KIF2C: variants seen among roughly 807,000 people sequenced by gnomAD.
The protein encoded by KIF2C is kinesin family member 2C.
A neutral mutation model predicts 97.4 loss-of-function variants in KIF2C; 34 were observed. The ratio of observed to expected loss-of-function variants is 0.35; its 90% CI spans 0.27 to 0.46. The LOEUF (loss-of-function observed/expected upper bound fraction) is 0.46, where lower values mean the gene tolerates loss of function less well. Among genes scored for constraint, KIF2C ranks in the 20% least tolerant of loss-of-function variants. KIF2C has a pLI of 1.00. For synonymous variants in KIF2C, 313 were observed against 318.2 expected (o/e 0.98, Z 0.17); for missense variants, 750 against 907.6 (o/e 0.83, Z 2.23).
chr1:44,767,173 C>T lies in KIF2C; in HGVS notation c.2172C>T (p.Pro724=). 6.2e-7 allele frequency: 1 copy of T among 1,613,990 alleles called. No homozygotes were observed. The highest frequency in any genetic ancestry group is 1.1e-5 in the South Asian group (1 of 91,056). Reference sequence around the variant, plus strand: ...GACAAATAAGCAGCAAGAAACGGCCCCAGTGACGACTGCAAATAAAAATCT... The same window carrying T: ...GACAAATAAGCAGCAAGAAACGGCCTCAGTGACGACTGCAAATAAAAATCT... The part of the protein sequence containing the change: ...ASRQISSKKR[P]Q The change falls in exon 21 of 21, where the codon CCC becomes CCT. Residue 724 remains proline (P), a synonymous_variant. Transcript: ENST00000372224.
rs760807394 is a variant in KIF2C, at chr1:44,754,863, A to G, written c.759+18A>G. The G allele has an allele frequency of 1.4e-6, 2 of 1,454,592 alleles. No homozygotes were observed. The highest frequency in any genetic ancestry group is 1.9e-6 in the Non-Finnish European group (2 of 1,035,370). 90.1% of individuals were successfully genotyped at this position (1,454,592 alleles called of 1,614,324 possible). On this transcript the variant is annotated intron_variant, in intron 8 of 20. Transcript: ENST00000372224. ...CTGATCCTGTAAGTACATCCAAAGA[A>G]CTTCTCTTTCTTAAGTGTACAATTG...
At chr1:44,753,289 A>T (rs377210369) in intron 6 of KIF2C, 35 bp downstream of exon 6, 75 of 1,590,826 alleles carry the variant, frequency 4.7e-5, no homozygotes, top group Non-Finnish European at 6.2e-5. Flanking sequence ...TTCTGCTTCT[A>T]GTGAGGCACA....
rs1431009272 is a variant in KIF2C at position 44,758,038 on chromosome 1, C to A, written c.1133-11C>A. ...GGCAGGTTGTTTGCTTAGCAAAGTT[C>A]TCTCCCTCAGCCCGGGACGTCTTCC... On this transcript the variant is annotated splice_polypyrimidine_tract_variant and intron_variant, in intron 12 of 20. Transcript: ENST00000372224. 1 of 1,614,148 alleles carries A rather than the reference C, an allele frequency of 6.2e-7. No homozygotes were observed. Among genetic ancestry groups the A allele is most frequent in the East Asian group, 2.2e-5 (1 of 44,888 alleles).
At chr1:44,746,930 C>T (rs1649230915) in intron 2 of KIF2C, among the ~76,000 whole-genome samples, 1 of 151,670 alleles carries the variant, frequency 6.6e-6, no homozygotes, top group Admixed American at 6.6e-5. Context: ...CAGAGTCTTG[C>T]TCTGTTGCCC....
In KIF2C at chr1:44,767,427, G is replaced by C. The variant is rs1032320470; in HGVS notation, c.*248G>C. 1.2e-5 allele frequency: 5 copies of C among 417,940 alleles called. No homozygotes were observed. Among genetic ancestry groups the C allele is most frequent in the Non-Finnish European group, 2.2e-5 (5 of 222,576 alleles). The allele number at this position is 417,940 out of a possible 1,614,324, so 25.9% of individuals were successfully genotyped here. ...GAGCTCTTAGTTACCCTTTTGTGTT[G>C]CCCTTCTTTCCATCAAGGGGAATGT... On this transcript the variant is annotated 3_prime_UTR_variant, in exon 21 of 21. Coordinates refer to ENST00000372224, the MANE Select transcript of KIF2C (RefSeq NM_006845.4).
chr1:44,754,952 G>A (rs955807697), intron 8 of KIF2C, 107 bp downstream of exon 8: 9 of 685,762 alleles, frequency 1.3e-5, no homozygotes, highest in African/African-American at 1.3e-4. Context: ...ACCTTTGAGG[G>A]TTTTATTATT....
intron 19 of KIF2C, among the ~76,000 whole-genome samples, chr1:44,763,252 C>T (rs940602483): frequency 2.6e-5 from 4 of 152,110 alleles, no homozygotes; most frequent in African/African-American, 7.2e-5. Flanking sequence ...TACTGTAATC[C>T]CTACTGTGGA....
intron 5 of KIF2C, 23 bp from the exon 6 acceptor site, chr1:44,753,109 C>T (rs1649614492): frequency 6.3e-7 from 1 of 1,598,538 alleles, no homozygotes; most frequent in Non-Finnish European, 8.5e-7. Flanking sequence ...CCTGCTTCTC[C>T]AGTGACTCTT....
At chr1:44,758,254 C>T (rs1490286080) in intron 13 of KIF2C, 114 bp downstream of exon 13, 8 of 840,326 alleles carry the variant, frequency 9.5e-6, no homozygotes, top group South Asian at 1.6e-5. Flanking sequence ...TGTCAAGCCA[C>T]TGATGGGCCA....
chr1:44,750,630 G>A, intron 5 of KIF2C, 66 bp downstream of exon 5: 1 of 1,374,246 alleles, frequency 7.3e-7, no homozygotes, highest in Non-Finnish European at 9.5e-7. Context: ...TGGTCCCTGT[G>A]CTAGAATATC....
At chr1:44,754,210 T>TG (rs1649693178) in intron 7 of KIF2C, among the ~76,000 whole-genome samples, 1 of 152,064 alleles carries the variant, frequency 6.6e-6, no homozygotes, top group African/African-American at 2.4e-5. Context: ...CATGAGCTGT[T>TG]GCGCCTGGCC....
At chr1:44,765,995 T>A (rs1014700936) in intron 19 of KIF2C, among the ~76,000 whole-genome samples, 2 of 152,000 alleles carry the variant, frequency 1.3e-5, no homozygotes, top group African/African-American at 4.8e-5. Flanking sequence ...GAGGTTGCAG[T>A]GAGCCGAGAT....
chr1:44,740,067 G>C (rs1327783808), intron 1 of KIF2C, 65 bp downstream of exon 1: 1 of 1,558,156 alleles, frequency 6.4e-7, no homozygotes, highest in African/African-American at 1.4e-5. Flanking sequence ...ATTACTGCCC[G>C]TCCCCGGACA....
At chr1:44,758,950 A>C in intron 13 of KIF2C, 1 of 483,800 alleles carries the variant, frequency 2.1e-6, no homozygotes, top group South Asian at 2.3e-5. Flanking sequence ...TTTACAGATG[A>C]GATGCAAGGC....
Position 44,759,009 on chromosome 1 carries a change from G to A in KIF2C, c.1225-197G>A, listed in dbSNP as rs1223181284. ...GGCTCACACAGCTAGTAAGTTACCA[G>A]AGTCACAGCAAACTGAGGCAGTTCG... On this transcript the variant is annotated intron_variant, in intron 13 of 20. Coordinates refer to ENST00000372224, the MANE Select transcript of KIF2C (RefSeq NM_006845.4). 6 of 614,442 alleles carry A rather than the reference G, an allele frequency of 9.8e-6. No homozygotes were observed. The East Asian group carries it at 1.5e-4, about 15-fold the overall frequency. 38.1% of individuals were successfully genotyped at this position (614,442 alleles called of 1,614,324 possible). A position where few individuals can be genotyped will look rare whatever the true frequency, so the allele number is the denominator to read the frequency against.
Position 44,766,903 on chromosome 1 carries a change from G to A in KIF2C, c.2049G>A (p.Ala683=), listed in dbSNP as rs200293921. The change falls in exon 20 of 21, where the codon GCG becomes GCA. Residue 683 remains alanine (A), a synonymous_variant. Transcript: ENST00000372224. ...ACCTGGAGACCTTTGTGAACAAAGC[G>A]GAATCTGCTCTGGCCCAGCAAGCCA... is the stretch of plus-strand genomic sequence containing the variant. ...DYDLETFVNK[A]ESALAQQAKH... 74 of 1,614,082 alleles carry A rather than the reference G, an allele frequency of 4.6e-5. No homozygotes were observed. The highest frequency in any genetic ancestry group is 3.3e-4 in the Middle Eastern group (2 of 6,082).
chr1:44,750,159 T>A, intron 4 of KIF2C: 1 of 245,964 alleles, frequency 4.1e-6, no homozygotes, highest in East Asian at 7.3e-5. Flanking sequence ...AGAAATGTTT[T>A]CAGGATAGCT....
rs1649285242 is a variant in KIF2C at position 44,747,687 on chromosome 1, T to C, written c.303T>C (p.Pro101=). Residue 101 remains proline (P), a synonymous_variant, in exon 4 of 21, where the codon CCT becomes CCC. Transcript: ENST00000372224. ...GGAGATCCGTCAACTCCAAAATTCC[T>C]GCTCCAAAAGAAAGTAAGTGGATTT... ...QKRRSVNSKI[P]APKESLRSRS... 4 of 1,613,750 alleles carry C rather than the reference T, an allele frequency of 2.5e-6. 1 individual carries two copies. The highest frequency in any genetic ancestry group is 2.2e-5 in the South Asian group (2 of 90,964).
chr1:44,746,660 C>T lies in KIF2C; in HGVS notation c.166-724C>T, dbSNP rs1573553215. 52 of 1,565,022 alleles carry T rather than the reference C, an allele frequency of 3.3e-5. No homozygotes were observed. The South Asian group carries it at 6.0e-4, about 18-fold the overall frequency. The stretch of plus-strand genomic sequence containing the variant: ...AGTGGCCTAGATCTGCTGTGGAGTA[C>T]CCGACTGTTTGCCTGCCTGTCTGCC... On this transcript the variant is annotated intron_variant, in intron 2 of 20. Coordinates refer to ENST00000372224, the MANE Select transcript of KIF2C (RefSeq NM_006845.4).
Sources: gnomAD v4.1 joint callset for allele counts (sites outside exome capture counted in the v4.1 genomes callset) on GRCh38, gnomAD v4.1.1 for gene constraint, MANE v1.5 for transcripts, NCBI Gene and HGNC (gene_info 2026-07-23, HGNC 2026-07-21) for gene names.